Variants in SYN2 observed in about 807,000 individuals in gnomAD.
SYN2 encodes the protein synapsin-2.
Under a neutral mutation model 50.9 loss-of-function variants are expected in SYN2, and 19 were observed. The ratio of observed to expected loss-of-function variants is 0.37; its 90% confidence interval spans 0.26 to 0.55. SYN2 has a LOEUF of 0.55. Ranked by LOEUF, SYN2 falls within the 20% of genes least tolerant of loss-of-function variation. The pLI, the probability that SYN2 is intolerant of heterozygous loss-of-function variation, is 0.81. For missense variants in SYN2, 587 were observed against 576.4 expected, an observed-to-expected ratio of 1.02 and a Z score of -0.19; for synonymous variants, 255 against 224.9, an observed-to-expected ratio of 1.13 and a Z score of -1.20.
chr3:12,129,258 C>A (rs1231281272), intron 1 of SYN2, among the ~76,000 whole-genome samples: 1 of 151,982 alleles, frequency 6.6e-6, no homozygotes, highest in African/African-American at 2.4e-5. Flanking sequence ...AGAAGCAGGA[C>A]ATGCAAAAAT....
At chr3:12,158,791 A>G (rs1464397037) in intron 5 of SYN2, 25 of 1,603,476 alleles carry the variant, frequency 1.6e-5, no homozygotes, top group Non-Finnish European at 2.0e-5. Flanking sequence ...CAACGCCAGC[A>G]GCCGCAGCAA....
intron 10 of SYN2, among the ~76,000 whole-genome samples, chr3:12,174,692 A>G (rs751029805): frequency 6.6e-6 from 1 of 152,104 alleles, no homozygotes; most frequent in Non-Finnish European, 1.5e-5. Context: ...ATGTTGGCCA[A>G]GATGGTCTCG....
chr3:12,122,013 C>G (rs1696571787), intron 1 of SYN2, among the ~76,000 whole-genome samples: 1 of 152,138 alleles, frequency 6.6e-6, no homozygotes, highest in South Asian at 2.1e-4. Context: ...TAGCCAAGAC[C>G]CACACACATT....
intron 1 of SYN2, among the ~76,000 whole-genome samples, chr3:12,121,609 G>C (rs1459108950): frequency 6.7e-6 from 1 of 150,000 alleles, no homozygotes; most frequent in East Asian, 1.9e-4. Context: ...AGAAAAGGAA[G>C]GAAGGGAGGA....
intron 1 of SYN2, among the ~76,000 whole-genome samples, chr3:12,015,122 A>G (rs1280800897): frequency 1.3e-5 from 2 of 152,144 alleles, no homozygotes; most frequent in Non-Finnish European, 2.9e-5. Flanking sequence ...TATTTGTACT[A>G]CTTGTGCTTC....
intron 9 of SYN2, 27 bp downstream of exon 9, chr3:12,168,505 T>C: frequency 6.3e-7 from 1 of 1,591,032 alleles, no homozygotes; most frequent in Non-Finnish European, 8.6e-7. Context: ...CAGTAAGAGG[T>C]AACTCCTAAG....
chr3:12,019,780 G>C (rs1440290484), intron 1 of SYN2, among the ~76,000 whole-genome samples: 1 of 152,128 alleles, frequency 6.6e-6, no homozygotes, highest in Non-Finnish European at 1.5e-5. Flanking sequence ...GAGGTAAATT[G>C]GTATAATTTC....
intron 10 of SYN2, among the ~76,000 whole-genome samples, chr3:12,171,837 A>G (rs1697943781): frequency 6.6e-6 from 1 of 152,248 alleles, no homozygotes; most frequent in South Asian, 2.1e-4. Context: ...AAGCAAAGAG[A>G]TAATTTATAG....
chr3:12,116,460 G>A (rs886961661), intron 1 of SYN2, among the ~76,000 whole-genome samples: 1 of 152,178 alleles, frequency 6.6e-6, no homozygotes, highest in Admixed American at 6.5e-5. Flanking sequence ...CAATGATCTG[G>A]TGGCAAACGA....
At chr3:12,144,651 C>A (rs1697103422) in intron 3 of SYN2, among the ~76,000 whole-genome samples, 2 of 152,128 alleles carry the variant, frequency 1.3e-5, no homozygotes, top group Admixed American at 1.3e-4. Context: ...GTATTTGTAC[C>A]TTAGAAAAAG....
chr3:12,106,750 G>T (rs1000270758), intron 1 of SYN2, among the ~76,000 whole-genome samples: 1 of 152,106 alleles, frequency 6.6e-6, no homozygotes, highest in Admixed American at 6.6e-5. Flanking sequence ...ATTCAGGGCT[G>T]TGGCTACTAT....
At chr3:12,130,237 C>T (rs75321775) in intron 1 of SYN2, among the ~76,000 whole-genome samples, 11 of 149,228 alleles carry the variant, frequency 7.4e-5, no homozygotes, top group South Asian at 2.1e-4. Context: ...TCTCTGTGTG[C>T]GTGTGTGTGT....
At chr3:12,035,403 T>C (rs964616521) in intron 1 of SYN2, among the ~76,000 whole-genome samples, 21 of 152,322 alleles carry the variant, frequency 1.4e-4, no homozygotes, top group Admixed American at 3.3e-4. Context: ...CAAACTTGGG[T>C]CCATCAACCT....
chr3:12,046,169 A>G (rs1694734680), intron 1 of SYN2, among the ~76,000 whole-genome samples: 3 of 152,168 alleles, frequency 2.0e-5, no homozygotes, highest in Admixed American at 1.3e-4. Context: ...TTCAGTCAAC[A>G]TTTGTTGACT....
Position 12,190,829 on chromosome 3 carries a change from C to T in SYN2, c.*204C>T. On this transcript the variant is annotated 3_prime_UTR_variant, in exon 13 of 13. Transcript: ENST00000621198. ...GCAGGTGCCTACCCAGCAAGGGGTA[C>T]CTGGCATCAGAGAGGAAAGAGCTGC... 1.5e-6 allele frequency: 2 copies of T among 1,337,536 alleles called. No individual in the cohort carries two copies. Among genetic ancestry groups the T allele is most frequent in the Non-Finnish European group, 1.9e-6 (2 of 1,050,678 alleles). The allele number at this position is 1,337,536 out of a possible 1,614,324, so 82.9% of individuals were successfully genotyped here.
intron 1 of SYN2, among the ~76,000 whole-genome samples, chr3:12,130,071 CTGTGAGAAATAAATGT>C (rs904504153): frequency 6.6e-6 from 1 of 152,022 alleles, no homozygotes. Flanking sequence ...GCCTCCAGAT[CTGTGAGAAATAAATGT>C]TGTTTAAGCC....
At chr3:12,166,589 G>A (rs566228678) in intron 7 of SYN2, among the ~76,000 whole-genome samples, 8 of 152,292 alleles carry the variant, frequency 5.3e-5, no homozygotes, top group African/African-American at 1.9e-4. Flanking sequence ...TGATGCCATC[G>A]GCTCCATTTG....
rs975629420 is a variant in SYN2, at chr3:12,185,591, C to A, written c.1370-1778C>A. On this transcript the variant is annotated intron_variant, in intron 11 of 12. Coordinates refer to ENST00000621198, the MANE Select transcript of SYN2 (RefSeq NM_133625.6). Reference sequence around the variant, plus strand: ...CCATTCAGGTGTTTTGTACCTATTTCTTTCCTGACGTTGTCCCCTTTTTTT... The same window carrying A: ...CCATTCAGGTGTTTTGTACCTATTTATTTCCTGACGTTGTCCCCTTTTTTT... The A allele has an allele frequency of 4.1e-6, 4 of 985,754 alleles. No homozygotes were observed. The African/African-American group carries it at 7.0e-5, about 17-fold the overall frequency. The allele number at this position is 985,754 out of a possible 1,614,324, so 61.1% of individuals were successfully genotyped here. A position where few individuals can be genotyped will look rare whatever the true frequency, so the allele number is the denominator to read the frequency against.
At chr3:12,144,572 C>T (rs749289105) in intron 3 of SYN2, among the ~76,000 whole-genome samples, 2 of 152,148 alleles carry the variant, frequency 1.3e-5, no homozygotes, top group African/African-American at 4.8e-5. Flanking sequence ...TATACAGCCT[C>T]ATGAAGTCAA....
Sources: allele counts gnomAD v4.1 joint callset (sites outside exome capture counted in the v4.1 genomes callset), GRCh38; gene constraint gnomAD v4.1.1; transcripts MANE v1.5; gene names NCBI Gene and HGNC (gene_info 2026-07-23, HGNC 2026-07-21).